TPTE: variants seen among roughly 807,000 people sequenced by gnomAD.
TPTE encodes transmembrane phosphatase with tensin homology, also known as putative tyrosine-protein phosphatase TPTE.
Under a neutral mutation model 84.1 loss-of-function variants are expected in TPTE, and 59 were observed. The ratio of observed to expected loss-of-function variants is 0.70; its 90% CI spans 0.57 to 0.87. The LOEUF is 0.87. Ranked by LOEUF, TPTE falls within the 40% of genes least tolerant of loss-of-function variation. The pLI is 0.00. For missense variants in TPTE, 382 were observed against 659.6 expected (o/e 0.58, Z 4.61); for synonymous variants, 130 against 223.5 (o/e 0.58, Z 3.73).
rs756150119 is a variant in TPTE at position 10,542,419 on chromosome 21, A to C, written c.90A>C (p.Gly30=). The change falls in exon 6 of 24, where the codon GGA becomes GGC. Residue 30 remains glycine (G), a synonymous_variant. Coordinates refer to ENST00000618007, the MANE Select transcript of TPTE (RefSeq NM_199261.4). ...GTCCACAGACAAGTGAATTTAAAGGAGCAACCGAGGAGGCACCTGCGAAAG... is the reference window on the plus strand; with the variant it reads ...GTCCACAGACAAGTGAATTTAAAGGCGCAACCGAGGAGGCACCTGCGAAAG... ...NDSPQTSEFK[G]ATEEAPAKES... 11 of 1,611,866 alleles carry C rather than the reference A, an allele frequency of 6.8e-6. No homozygotes were observed. The highest frequency in any genetic ancestry group is 7.6e-6 in the Non-Finnish European group (9 of 1,178,510).
At chr21:10,529,852 A>T (rs1368867375) in intron 3 of TPTE, among the ~76,000 whole-genome samples, 1 of 152,300 alleles carries the variant, frequency 6.6e-6, no homozygotes. Flanking sequence ...TTCATGCCCT[A>T]GTTTTAGCAT....
chr21:10,567,270 TG>T (rs745911442), intron 10 of TPTE, among the ~76,000 whole-genome samples: 13 of 152,282 alleles, frequency 8.5e-5, no homozygotes, highest in Non-Finnish European at 1.8e-4. Context: ...CACAACAGAT[TG>T]ACCATAGTCA....
chr21:10,584,184 G>T (rs1432507131), intron 17 of TPTE, among the ~76,000 whole-genome samples: 6 of 152,416 alleles, frequency 3.9e-5, no homozygotes, highest in South Asian at 4.1e-4. Context: ...TATAGAAAGC[G>T]TGCATATTTT....
chr21:10,586,826 C>T (rs1246649505), intron 17 of TPTE, among the ~76,000 whole-genome samples: 3 of 152,292 alleles, frequency 2.0e-5, no homozygotes, highest in Non-Finnish European at 1.5e-5. Context: ...GATTTACTTA[C>T]TACACTGACT....
At chr21:10,541,090 T>A in intron 4 of TPTE, 22 bp from the exon 5 acceptor site, 1 of 1,612,668 alleles carries the variant, frequency 6.2e-7, no homozygotes, top group East Asian at 2.2e-5. Flanking sequence ...TGGGTCTGAC[T>A]CTGACCATAT....
At chr21:10,588,806 G>A (rs1182038222) in intron 17 of TPTE, among the ~76,000 whole-genome samples, 1 of 152,308 alleles carries the variant, frequency 6.6e-6, no homozygotes, top group Non-Finnish European at 1.5e-5. Context: ...TGTTGATAAA[G>A]CTTTCAGTTG....
chr21:10,574,591 A>G (rs1224808290), intron 14 of TPTE, among the ~76,000 whole-genome samples: 2 of 152,306 alleles, frequency 1.3e-5, no homozygotes, highest in African/African-American at 4.8e-5. Context: ...AACTGAGATA[A>G]CCAGGTTCTC....
intron 4 of TPTE, 110 bp downstream of exon 4, chr21:10,538,844 A>G (rs1297808180): frequency 6.2e-6 from 10 of 1,608,408 alleles, no homozygotes; most frequent in Middle Eastern, 3.3e-4. Context: ...CCATGCATCC[A>G]TCCGTACACA....
intron 7 of TPTE, among the ~76,000 whole-genome samples, chr21:10,545,815 A>C (rs1183439002): frequency 7.2e-5 from 11 of 151,726 alleles, no homozygotes; most frequent in Non-Finnish European, 1.6e-4. Context: ...ATGTGTGTAT[A>C]TATATCTATA....
intron 8 of TPTE, among the ~76,000 whole-genome samples, chr21:10,558,235 T>C (rs996241955): frequency 2.0e-5 from 3 of 152,312 alleles, no homozygotes. Context: ...TGTATCTTTA[T>C]AGTAGAATGA....
At chr21:10,598,453 A>G (rs1440586603) in intron 21 of TPTE, among the ~76,000 whole-genome samples, 1 of 152,310 alleles carries the variant, frequency 6.6e-6, no homozygotes, top group Admixed American at 6.5e-5. Context: ...ATCTTTTGTT[A>G]TATAGCACTG....
chr21:10,598,769 T>C (rs1214123771), intron 21 of TPTE, among the ~76,000 whole-genome samples: 21 of 152,288 alleles, frequency 1.4e-4, no homozygotes. Context: ...AAAGCATCTT[T>C]CATGGTCTAA....
chr21:10,548,090 A>G (rs1322319563), intron 7 of TPTE, among the ~76,000 whole-genome samples: 1 of 152,304 alleles, frequency 6.6e-6, no homozygotes. Context: ...AAACAGTCCC[A>G]CAGGCTGCCC....
intron 3 of TPTE, among the ~76,000 whole-genome samples, chr21:10,535,557 CTT>C (rs1417302260): frequency 6.6e-6 from 1 of 152,302 alleles, no homozygotes; most frequent in African/African-American, 2.4e-5. Context: ...GCTTCTTCCT[CTT>C]AGTATATTTG....
intron 17 of TPTE, among the ~76,000 whole-genome samples, chr21:10,584,299 A>T (rs2075322563): frequency 6.7e-6 from 1 of 149,616 alleles, no homozygotes; most frequent in Non-Finnish European, 1.5e-5. Flanking sequence ...AGTTCATTTT[A>T]TTTATTAATC....
intron 3 of TPTE, among the ~76,000 whole-genome samples, chr21:10,532,326 A>T (rs2074192395): frequency 6.6e-6 from 1 of 152,298 alleles, no homozygotes; most frequent in Non-Finnish European, 1.5e-5. Context: ...ATCTTATTTT[A>T]AAAAAATTTA....
At chr21:10,547,056 C>T (rs1315861114) in intron 7 of TPTE, among the ~76,000 whole-genome samples, 13 of 152,302 alleles carry the variant, frequency 8.5e-5, no homozygotes, top group African/African-American at 3.1e-4. Flanking sequence ...CGCATGGTTT[C>T]AAATCTTCAA....
intron 20 of TPTE, among the ~76,000 whole-genome samples, chr21:10,596,338 C>T (rs1423569611): frequency 2.0e-5 from 3 of 152,304 alleles, no homozygotes; most frequent in Non-Finnish European, 4.4e-5. Flanking sequence ...TCCCATCTCT[C>T]CTGTTCTCAT....
chr21:10,595,190 C>G (rs1205634900), intron 19 of TPTE, among the ~76,000 whole-genome samples: 1 of 152,310 alleles, frequency 6.6e-6, no homozygotes, highest in African/African-American at 2.4e-5. Flanking sequence ...TTATAGGTGC[C>G]CATCACCACG....
Sources: gnomAD v4.1 joint callset for allele counts (sites outside exome capture counted in the v4.1 genomes callset) on GRCh38, gnomAD v4.1.1 for gene constraint, MANE v1.5 for transcripts, NCBI Gene and HGNC (gene_info 2026-07-23, HGNC 2026-07-21) for gene names.